The following HMGN5 variants were observed in gnomAD, a reference collection of about 807,000 sequenced individuals.
HMGN5 encodes high mobility group nucleosome-binding domain-containing protein 5.
HMGN5 carries 4 observed loss-of-function variants against 9.5 expected under a neutral mutation model. The ratio of observed to expected loss-of-function variants is 0.42; its 90% confidence interval spans 0.21 to 0.96. The LOEUF is 0.96. Ranked by LOEUF, HMGN5 falls within the 40% of genes least tolerant of loss-of-function variation. The probability of loss-of-function intolerance (pLI) is 0.30; values close to 1 mark genes in which losing one functional copy is unlikely to be tolerated. For missense variants in HMGN5, 192 were observed against 187.5 expected (o/e 1.02, Z -0.14); for synonymous variants, 55 against 57.1 (o/e 0.96, Z 0.16).
At chrX:81,199,622 T>A (rs1364352237) in intron 1 of HMGN5, among the ~76,000 whole-genome samples, 30 of 111,983 alleles carry the variant, frequency 2.7e-4, no homozygotes, top group Non-Finnish European at 4.7e-4. Context: ...AAACAAGCAA[T>A]GGGGAAAGGA....
intron 1 of HMGN5, among the ~76,000 whole-genome samples, chrX:81,137,186 A>T (rs1195025088): frequency 9.0e-6 from 1 of 111,448 alleles, no homozygotes; most frequent in Non-Finnish European, 1.9e-5. Context: ...CTAGATAGAA[A>T]GTCATCAAAG....
intron 1 of HMGN5, among the ~76,000 whole-genome samples, chrX:81,186,884 C>A (rs771597891): frequency 2.7e-5 from 3 of 111,019 alleles, no homozygotes; most frequent in Non-Finnish European, 5.7e-5. Flanking sequence ...TCATAGATTT[C>A]GGTATGTTGT....
At chrX:81,196,923 G>C (rs2075510328) in intron 1 of HMGN5, among the ~76,000 whole-genome samples, 1 of 111,252 alleles carries the variant, frequency 9.0e-6, no homozygotes, top group Admixed American at 9.6e-5. Context: ...GTCCAAGCTT[G>C]CTTCCCCTTT....
intron 1 of HMGN5, among the ~76,000 whole-genome samples, chrX:81,156,267 T>G (rs1479133426): frequency 8.9e-6 from 1 of 112,293 alleles, no homozygotes; most frequent in East Asian, 2.8e-4. Context: ...CATTGTACTA[T>G]GTGAATGTGA....
chrX:81,162,789 C>T (rs998267710), intron 1 of HMGN5, among the ~76,000 whole-genome samples: 5 of 111,316 alleles, frequency 4.5e-5, no homozygotes, highest in African/African-American at 9.8e-5. Context: ...AGTTGAGCTG[C>T]TGTCATTATG....
chrX:81,139,370 C>T (rs1048927187), intron 1 of HMGN5, among the ~76,000 whole-genome samples: 3 of 111,457 alleles, frequency 2.7e-5, no homozygotes, highest in Non-Finnish European at 3.8e-5. Flanking sequence ...CCATAGGCAA[C>T]GATGAACCTT....
Position 81,118,545 on chromosome X carries a change from G to A in HMGN5, c.76-60C>T, listed in dbSNP as rs2075260608. ...AAAAAATCATATTTGAAGAAAGAAC[G>A]CTAAAAATGAAATCCAACCTCTGAA... On this transcript the variant is annotated intron_variant, in intron 4 of 6. Transcript: ENST00000358130. The A allele has an allele frequency of 9.4e-6, 9 of 957,826 alleles. No homozygotes were observed. The South Asian group carries it at 1.3e-4, about 14-fold the overall frequency. The allele number at this position is 957,826 out of a possible 1,213,427, so 78.9% of individuals were successfully genotyped here. A position where few individuals can be genotyped will look rare whatever the true frequency, so the allele number is the denominator to read the frequency against.
intron 1 of HMGN5, among the ~76,000 whole-genome samples, chrX:81,140,342 C>G (rs776736210): frequency 1.8e-5 from 2 of 110,420 alleles, no homozygotes; most frequent in African/African-American, 6.6e-5. Flanking sequence ...GGGCGGATCA[C>G]GAGGTCAGGA....
In HMGN5 at chrX:81,114,861, CTTCA is replaced by C; in HGVS notation, c.633_636del (p.Asn211LysfsTer15). The C allele has an allele frequency of 8.6e-7, 1 of 1,161,933 alleles. No homozygotes were observed. Among genetic ancestry groups the C allele is most frequent in the East Asian group, 3.3e-5 (1 of 30,592 alleles). ...TTTTTATCTCCCTTCTCTTTTCCAT[CTTCA>C]TTCTCTTTTCCATCTCCTGTTTCTT... On this transcript the variant is annotated frameshift_variant, in exon 7 of 7. Coordinates refer to ENST00000358130, the MANE Select transcript of HMGN5 (RefSeq NM_030763.3). LOFTEE classifies it low-confidence loss of function (END_TRUNC).
intron 1 of HMGN5, among the ~76,000 whole-genome samples, chrX:81,181,689 G>C (rs1315880774): frequency 9.0e-6 from 1 of 111,720 alleles, no homozygotes; most frequent in Non-Finnish European, 1.9e-5. Flanking sequence ...AAATAAGTGA[G>C]AATGTGTGAT....
intron 1 of HMGN5, among the ~76,000 whole-genome samples, chrX:81,148,220 T>G (rs1038770214): frequency 4.5e-5 from 5 of 111,846 alleles, no homozygotes; most frequent in African/African-American, 1.6e-4. Context: ...TCACGTTACC[T>G]GACTTCAAAC....
At chrX:81,141,369 G>C (rs1307147828) in intron 1 of HMGN5, among the ~76,000 whole-genome samples, 1 of 110,835 alleles carries the variant, frequency 9.0e-6, no homozygotes, top group Non-Finnish European at 1.9e-5. Flanking sequence ...ACCCAGTGCT[G>C]TGCTGGCTAC....
intron 5 of HMGN5, 78 bp from the exon 6 acceptor site, chrX:81,116,419 C>A: frequency 1.5e-6 from 1 of 686,314 alleles, no homozygotes. Context: ...AATTATTTTA[C>A]CAGCTGTTGT....
At chrX:81,153,334 C>G (rs181391113) in intron 1 of HMGN5, among the ~76,000 whole-genome samples, 1,167 of 104,765 alleles carry the variant, frequency 0.011, 22 homozygotes, top group African/African-American at 0.039. Flanking sequence ...GGGTAGATCA[C>G]TTAAAGCCAG....
intron 1 of HMGN5, among the ~76,000 whole-genome samples, chrX:81,174,827 A>AT (rs752810964): frequency 4.5e-5 from 5 of 111,354 alleles, no homozygotes; most frequent in Non-Finnish European, 7.6e-5. Flanking sequence ...TCTGCAATGT[A>AT]TTTTTTTCCT....
At chrX:81,153,100 C>G (rs1454486116) in intron 1 of HMGN5, among the ~76,000 whole-genome samples, 1 of 107,518 alleles carries the variant, frequency 9.3e-6, no homozygotes, top group Admixed American at 1.0e-4. Context: ...ACATACGTAA[C>G]TAACCTGCAC....
intron 1 of HMGN5, among the ~76,000 whole-genome samples, chrX:81,131,464 A>G (rs1293160218): frequency 9.0e-6 from 1 of 111,218 alleles, no homozygotes; most frequent in Non-Finnish European, 1.9e-5. Flanking sequence ...CTTTATGAGT[A>G]TCCAGGATGA....
At chrX:81,189,095 G>T (rs1296905141) in intron 1 of HMGN5, among the ~76,000 whole-genome samples, 1 of 111,785 alleles carries the variant, frequency 8.9e-6, no homozygotes, top group Non-Finnish European at 1.9e-5. Flanking sequence ...GTCTGGGAAA[G>T]TCTTTATTTC....
chrX:81,128,300 TTC>T (rs1248700372), intron 1 of HMGN5, among the ~76,000 whole-genome samples: 1 of 111,463 alleles, frequency 9.0e-6, no homozygotes, highest in African/African-American at 3.3e-5. Flanking sequence ...ACATGCTCAA[TTC>T]TCACAAATTT....
Sources: allele counts gnomAD v4.1 joint callset (sites outside exome capture counted in the v4.1 genomes callset), GRCh38; gene constraint gnomAD v4.1.1; transcripts MANE v1.5; gene names NCBI Gene and HGNC (gene_info 2026-07-23, HGNC 2026-07-21).